AFDN: variants seen among roughly 807,000 people sequenced by gnomAD.
AFDN encodes the protein afadin.
AFDN carries 68 observed loss-of-function variants against 216.6 expected under a neutral mutation model. That is an observed-to-expected ratio of 0.31 (90% confidence interval 0.26 to 0.38). The LOEUF (loss-of-function observed/expected upper bound fraction) is 0.38, where lower values mean the gene tolerates loss of function less well. AFDN is among the 10% of genes least tolerant of loss of function. AFDN has a pLI of 1.00. For missense variants in AFDN, 2,136 were observed against 2,342.0 expected (o/e 0.91, Z 1.82); for synonymous variants, 868 against 853.7 (o/e 1.02, Z -0.29).
intron 15 of AFDN, 111 bp from the exon 16 acceptor site, chr6:167,913,292 C>T (rs1790639243): frequency 5.9e-6 from 6 of 1,018,082 alleles, no homozygotes; most frequent in Non-Finnish European, 7.3e-6. Flanking sequence ...AAATGTCGTA[C>T]CTTCATGTCG....
intron 8 of AFDN, among the ~76,000 whole-genome samples, chr6:167,892,115 T>C (rs1276742440): frequency 1.3e-5 from 2 of 152,210 alleles, no homozygotes; most frequent in Non-Finnish European, 2.9e-5. Context: ...GAAGTGATGG[T>C]ATCATTTTGA....
intron 6 of AFDN, among the ~76,000 whole-genome samples, chr6:167,887,304 T>A (rs1029444393): frequency 1.3e-5 from 2 of 149,270 alleles, no homozygotes; most frequent in African/African-American, 5.2e-5. Flanking sequence ...AGTCATTTGA[T>A]AATTTCCATT....
rs202145961 is a variant in AFDN, at chr6:167,951,268, G to T, written c.3914G>T (p.Arg1305Leu). ...CATCGAATAGAGGCAGCTATGGACC[G>T]AAAGTCTGATAGTGATATGTGGATA... The part of the protein sequence containing the change: ...ERHRIEAAMD[R>L]KSDSDMWINQ... The change falls in exon 30 of 34, where the codon CGA becomes CTA. Residue 1305 changes from arginine (R) to leucine (L), a missense_variant. Coordinates refer to ENST00000683244, the MANE Select transcript of AFDN (RefSeq NM_001386888.1). This position sits in a 1 kb window ranked among gnomAD's most constrained non-coding sequence, Gnocchi z 7.1. 4 of 1,613,246 alleles carry T rather than the reference G, an allele frequency of 2.5e-6. No homozygotes were observed. In the African/African-American group the frequency reaches 5.3e-5, roughly 22 times the overall value.
chr6:167,939,531 T>C (rs1227650133), intron 23 of AFDN, among the ~76,000 whole-genome samples: 1 of 152,220 alleles, frequency 6.6e-6, no homozygotes, highest in Non-Finnish European at 1.5e-5. Context: ...AGATAAACTC[T>C]GCTGAAGAAT....
intron 12 of AFDN, 151 bp downstream of exon 12, chr6:167,902,537 C>T (rs989475291): frequency 1.4e-5 from 8 of 563,616 alleles, no homozygotes; most frequent in African/African-American, 7.6e-5. Context: ...AGTACAGAGC[C>T]CTATGGATAC....
intron 8 of AFDN, among the ~76,000 whole-genome samples, chr6:167,891,534 A>AG (rs1480631195): frequency 6.6e-6 from 1 of 151,884 alleles, no homozygotes; most frequent in Non-Finnish European, 1.5e-5. Context: ...AGTAAGAGGA[A>AG]GGCTATTTGA....
chr6:167,839,325 C>T (rs779963135), intron 1 of AFDN, among the ~76,000 whole-genome samples: 13 of 150,618 alleles, frequency 8.6e-5, no homozygotes, highest in South Asian at 2.1e-4. Context: ...TTTCATGGGC[C>T]GAGAAGCATG....
In AFDN at chr6:167,917,150, C is replaced by G. The variant is rs771383718; in HGVS notation, c.2627C>G (p.Thr876Ser). The G allele has an allele frequency of 1.2e-5, 19 of 1,612,724 alleles. No individual in the cohort carries two copies. Among genetic ancestry groups the G allele is most frequent in the Middle Eastern group, 1.6e-4 (1 of 6,080 alleles). The change falls in exon 20 of 34, where the codon ACC becomes AGC. Residue 876 changes from threonine to serine, a missense_variant. Around this residue, in one of 8 missense-constraint regions of AFDN, gnomAD observed 162 missense variants for 182.6 expected, o/e 0.89. Coordinates refer to ENST00000683244, the MANE Select transcript of AFDN (RefSeq NM_001386888.1). Reference protein sequence around the residue: ...APDDIPNINSTCFKLNSLQLQ... With the variant: ...APDDIPNINSSCFKLNSLQLQ... ...GATGACATTCCAAATATAAACAGCA[C>G]CTGCTTTAAGTTAAATTCATTACAA...
rs1157326497 is a variant in AFDN, at chr6:167,875,454, G to T, written c.698G>T (p.Arg233Ile). 6.2e-7 allele frequency: 1 copy of T among 1,613,974 alleles called. No homozygotes were observed. The highest frequency in any genetic ancestry group is 8.5e-7 in the Non-Finnish European group (1 of 1,179,926). The change falls in exon 5 of 34, where the codon AGA becomes ATA. Residue 233 changes from arginine (R) to isoleucine (I), a missense_variant. Coordinates refer to ENST00000683244, the MANE Select transcript of AFDN (RefSeq NM_001386888.1). Reference sequence around the variant, plus strand: ...CGGAGGCAGCAAAAATTGGAAAAGAGAATGCAGGAATTTCGGAGCTCAGAT... The same window carrying T: ...CGGAGGCAGCAAAAATTGGAAAAGATAATGCAGGAATTTCGGAGCTCAGAT... ...KRRRQQKLEKRMQEFRSSDGR... is the reference protein window; with the variant it reads ...KRRRQQKLEKIMQEFRSSDGR...
chr6:167,853,003 T>C (rs1782487521), intron 1 of AFDN, among the ~76,000 whole-genome samples: 1 of 152,116 alleles, frequency 6.6e-6, no homozygotes, highest in Admixed American at 6.6e-5. Flanking sequence ...GATTAAGCCA[T>C]TTCTCCAAGT....
intron 1 of AFDN, among the ~76,000 whole-genome samples, chr6:167,850,886 T>C (rs1450660796): frequency 7.1e-6 from 1 of 141,470 alleles, no homozygotes; most frequent in Non-Finnish European, 1.6e-5. Context: ...TTTTATTGTG[T>C]GTGTGTGTGT....
intron 1 of AFDN, among the ~76,000 whole-genome samples, chr6:167,844,777 A>G (rs1362253255): frequency 1.3e-5 from 2 of 152,152 alleles, no homozygotes; most frequent in African/African-American, 4.8e-5. Flanking sequence ...TGACAGGTAA[A>G]AAGTAATGTG....
intron 23 of AFDN, among the ~76,000 whole-genome samples, chr6:167,936,834 G>A (rs1452867149): frequency 6.6e-6 from 1 of 152,224 alleles, no homozygotes; most frequent in East Asian, 1.9e-4. Context: ...GACAGAGACT[G>A]TGGTGGTTCG....
At chr6:167,964,707 A>C in intron 31 of AFDN, 2 of 1,065,456 alleles carry the variant, frequency 1.9e-6, no homozygotes, top group Non-Finnish European at 2.3e-6. Context: ...AATTGAAAAC[A>C]GGGACTAACA....
At chr6:167,845,147 C>G (rs1288838301) in intron 1 of AFDN, among the ~76,000 whole-genome samples, 1 of 152,130 alleles carries the variant, frequency 6.6e-6, no homozygotes, top group Admixed American at 6.5e-5. Context: ...CAGACACGAG[C>G]CACTGCACTT....
rs1403603405 is a variant in AFDN, at chr6:167,947,964, A to C, written c.3645+20A>C. 6 of 1,564,358 alleles carry C rather than the reference A, an allele frequency of 3.8e-6. No individual in the cohort carries two copies. In the Admixed American group the frequency reaches 6.7e-5, roughly 17 times the overall value. On this transcript the variant is annotated intron_variant, in intron 28 of 33. Coordinates refer to ENST00000683244, the MANE Select transcript of AFDN (RefSeq NM_001386888.1). ...ACTGAGGTCTGATTGATTGATAAGC[A>C]AAAGGCTTCTACTGCATTTCCATCC...
chr6:167,904,282 C>T (rs1028473430), intron 12 of AFDN, among the ~76,000 whole-genome samples: 1 of 151,810 alleles, frequency 6.6e-6, no homozygotes, highest in African/African-American at 2.4e-5. Context: ...GATCTCGGCT[C>T]ACTGCAACCA....
At chr6:167,905,696 A>G (rs1789575186) in intron 12 of AFDN, among the ~76,000 whole-genome samples, 1 of 152,138 alleles carries the variant, frequency 6.6e-6, no homozygotes. Context: ...GTATGTAAGC[A>G]TATAAACATA....
In AFDN at chr6:167,933,063, C is replaced by T. The variant is rs142682198; in HGVS notation, c.3099+7972C>T. Among the ~76,000 whole-genome samples, 907 of 152,172 alleles carry T rather than the reference C, an allele frequency of 6.0e-3. 12 individuals carry two copies. Among genetic ancestry groups the T allele is most frequent in the African/African-American group, 0.021 (868 of 41,498 alleles). Reference sequence around the variant, plus strand: ...AGGTTGCTTTAAATATGATAACTGCCGCTATGTAACTTGCTGAAGACATGG... The same window carrying T: ...AGGTTGCTTTAAATATGATAACTGCTGCTATGTAACTTGCTGAAGACATGG... On this transcript the variant is annotated intron_variant, in intron 23 of 33. Coordinates refer to ENST00000683244, the MANE Select transcript of AFDN (RefSeq NM_001386888.1).
Sources: allele counts gnomAD v4.1 joint callset (sites outside exome capture counted in the v4.1 genomes callset), GRCh38; gene constraint gnomAD v4.1.1; regional missense constraint gnomAD v4.1.1; non-coding constraint Gnocchi (gnomAD v3.1); transcripts MANE v1.5; gene names NCBI Gene and HGNC (gene_info 2026-07-23, HGNC 2026-07-21).